The following MBD6 variants were observed in gnomAD, a reference collection of about 807,000 sequenced individuals.
MBD6 encodes the protein methyl-CpG binding domain protein 6.
A neutral mutation model predicts 66.8 loss-of-function variants in MBD6; 22 were observed. That is an observed-to-expected ratio of 0.33 (90% CI 0.24 to 0.47). The LOEUF is 0.47. MBD6 is among the 20% of genes least tolerant of loss of function. The pLI, the probability that MBD6 is intolerant of heterozygous loss-of-function variation, is 1.00. For synonymous variants in MBD6, 540 were observed against 534.6 expected (o/e 1.01, Z -0.14); for missense variants, 1,322 against 1,286.9 (o/e 1.03, Z -0.42).
intron 4 of MBD6, 53 bp downstream of exon 4, chr12:57,524,875 T>C: frequency 6.2e-7 from 1 of 1,611,598 alleles, no homozygotes. Context: ...AAAGTCTTAA[T>C]GCAAATCACT....
At chr12:57,522,622 T>G, upstream of MBD6, 1 of 151,622 alleles carries the variant, frequency 6.6e-6, no homozygotes. Context: ...GGGGGAGGGG[T>G]AGGCGCGCTC....
chr12:57,524,069 C>T lies in MBD6; in HGVS notation c.-48C>T, dbSNP rs1878654841. 8.2e-6 allele frequency: 3 copies of T among 368,074 alleles called. No individual in the cohort carries two copies. In the Admixed American group the frequency reaches 1.3e-4, roughly 16 times the overall value. The allele number at this position is 368,074 out of a possible 1,614,324, so 22.8% of individuals were successfully genotyped here. On this transcript the variant is annotated 5_prime_UTR_variant, in exon 2 of 13. Coordinates refer to ENST00000355673, the MANE Select transcript of MBD6 (RefSeq NM_052897.4). ...GTGGCCCCGGCTTTAGACTGGACCC[C>T]ACAATGTTTGCAGAGATGTTCAGGT...
rs1228576626 is a variant in MBD6, at chr12:57,526,690, A to G, written c.1545A>G (p.Gly515=). 7 of 1,531,370 alleles carry G rather than the reference A, an allele frequency of 4.6e-6. No homozygotes were observed. Among genetic ancestry groups the G allele is most frequent in the Non-Finnish European group, 6.1e-6 (7 of 1,140,196 alleles). The allele number at this position is 1,531,370 out of a possible 1,614,324, so 94.9% of individuals were successfully genotyped here. A position where few individuals can be genotyped will look rare whatever the true frequency, so the allele number is the denominator to read the frequency against. Residue 515 remains glycine (G), a synonymous_variant, in exon 7 of 13, where the codon GGA becomes GGG. Coordinates refer to ENST00000355673, the MANE Select transcript of MBD6 (RefSeq NM_052897.4). The stretch of plus-strand genomic sequence containing the variant: ...GCCCTCTGCCTCCCCTGGCTGGTGG[A>G]GAGGCTTTCCCTTTCCCCAGCCCTG... The part of the protein sequence containing the change: ...PACPLPPLAG[G]EAFPFPSPEQ...
In MBD6 at chr12:57,524,333, A is replaced by G; in HGVS notation, c.30A>G (p.Ala10=). Residue 10 remains alanine (A), a synonymous_variant, in exon 3 of 13, where the codon GCA becomes GCG. Coordinates refer to ENST00000355673, the MANE Select transcript of MBD6 (RefSeq NM_052897.4). The part of the protein sequence containing the change: MNGGNESSG[A]DRAGGPVATS... ...ATGGGGGCAATGAGAGCAGTGGAGC[A>G]GACAGAGCTGGGGGCCCTGTGGCCA... The G allele has an allele frequency of 1.9e-6, 3 of 1,584,560 alleles. No individual in the cohort carries two copies. The South Asian group carries it at 3.4e-5, about 18-fold the overall frequency.
downstream of MBD6, chr12:57,530,647 C>A (rs1298304846): frequency 6.5e-7 from 1 of 1,535,026 alleles, no homozygotes; most frequent in Admixed American, 1.7e-5. Flanking sequence ...ACAGAGTTCA[C>A]AGGGGTAGGG....
intron 10 of MBD6, 34 bp downstream of exon 10, chr12:57,528,594 G>A (rs1268546295): frequency 6.2e-7 from 1 of 1,612,284 alleles, no homozygotes; most frequent in African/African-American, 1.3e-5. Context: ...TGGGCTCAGG[G>A]GCTCTGAGGA....
At chr12:57,527,478 T>A in intron 7 of MBD6, 29 bp from the exon 8 acceptor site, 1 of 1,612,450 alleles carries the variant, frequency 6.2e-7, no homozygotes, top group Non-Finnish European at 8.5e-7. Context: ...TTTACACGCG[T>A]AAGTGTTAGA....
At chr12:57,530,897 G>T (rs1253436275), downstream of MBD6, 6 of 863,846 alleles carry the variant, frequency 6.9e-6, no homozygotes, top group South Asian at 6.0e-5. Context: ...GGCCACAGAG[G>T]GGGGATGTTT....
chr12:57,521,379 C>G (rs1878327008), upstream of MBD6: 1 of 152,388 alleles, frequency 6.6e-6, no homozygotes, highest in Non-Finnish European at 1.5e-5. Context: ...AGAAGAATCG[C>G]TTGAACCCTG....
Position 57,529,844 on chromosome 12 carries a change from A to G in MBD6, c.*610A>G, listed in dbSNP as rs1048758775. On this transcript the variant is annotated 3_prime_UTR_variant, in exon 13 of 13. Coordinates refer to ENST00000355673, the MANE Select transcript of MBD6 (RefSeq NM_052897.4). ...TCCCCCGACTTTCCTCTGGGATATAAAAAAGGGGGTAAGGGGGCAAAGAGA... is the reference window on the plus strand; with the variant it reads ...TCCCCCGACTTTCCTCTGGGATATAGAAAAGGGGGTAAGGGGGCAAAGAGA... The G allele has an allele frequency of 6.5e-6, 1 of 153,918 alleles. No individual in the cohort carries two copies. 9.5% of individuals were successfully genotyped at this position (153,918 alleles called of 1,614,324 possible).
In MBD6 at chr12:57,527,892, C is replaced by G. The variant is rs891406290; in HGVS notation, c.2281C>G (p.Leu761Val). ...LTSSPGALPS[L>V]LQPPGPLLSG... ...CAGCAGCCCTGGAGCCCTCCCCAGC[C>G]TGTTGCAGCCTCCTGGCCCTCTTCT... is the stretch of plus-strand genomic sequence containing the variant. Residue 761 changes from leucine (L) to valine (V), a missense_variant, in exon 9 of 13, where the codon CTG (leucine) becomes GTG (valine). Leu to Val is a conservative substitution (Grantham distance 32, BLOSUM62 1). Transcript: ENST00000355673. The G allele has an allele frequency of 6.2e-7, 1 of 1,613,924 alleles. No individual in the cohort carries two copies. The highest frequency in any genetic ancestry group is 1.3e-5 in the African/African-American group (1 of 75,028).
At chr12:57,530,770 C>T (rs1358299850), downstream of MBD6, 6 of 1,613,550 alleles carry the variant, frequency 3.7e-6, no homozygotes, top group Admixed American at 3.3e-5. Context: ...GCATGGTTGT[C>T]TGCACCTACA....
At chr12:57,530,825 C>A, downstream of MBD6, 4 of 1,447,462 alleles carry the variant, frequency 2.8e-6, no homozygotes, top group Non-Finnish European at 2.9e-6. Context: ...AGTTGCTTAA[C>A]TGGATGAGGA....
chr12:57,528,593 G>A (rs1879248892), intron 10 of MBD6, 33 bp downstream of exon 10: 1 of 1,612,292 alleles, frequency 6.2e-7, no homozygotes, highest in Non-Finnish European at 8.5e-7. Context: ...CTGGGCTCAG[G>A]GGCTCTGAGG....
intron 3 of MBD6, 126 bp from the exon 4 acceptor site, chr12:57,524,594 G>A: frequency 9.1e-7 from 1 of 1,096,512 alleles, no homozygotes; most frequent in Non-Finnish European, 1.4e-6. Context: ...CCCTTTTTCT[G>A]TGTCTTCCCA....
rs1807393223 is a variant in MBD6 at position 57,524,832 on chromosome 12, G to A, written c.216+10G>A. 1.2e-6 allele frequency: 2 copies of A among 1,614,114 alleles called. No homozygotes were observed. The highest frequency in any genetic ancestry group is 1.7e-6 in the Non-Finnish European group (2 of 1,179,934). ...ACTTAATGTCCCCAAGGTCAGAGTG[G>A]TGAGGGGCGCCTGAGAGTACAGAGA... is the stretch of plus-strand genomic sequence containing the variant. On this transcript the variant is annotated intron_variant, in intron 4 of 12. Transcript: ENST00000355673.
At position 57,528,429 on chromosome 12, in the gene MBD6, G is replaced by C. The variant is rs1363303372; in HGVS notation, c.2689G>C (p.Gly897Arg). 1.2e-6 allele frequency: 2 copies of C among 1,613,538 alleles called. No individual in the cohort carries two copies. The highest frequency in any genetic ancestry group is 2.2e-5 in the South Asian group (2 of 91,088). ...GRLALKWGTR[G>R]GFNGQMERSP... is the part of the protein sequence containing the mutation. ...ACTGGCCCTCAAATGGGGGACACGT[G>C]GTGGCTTCAATGGACAAATGGAAAG... Residue 897 changes from glycine to arginine, a missense_variant, in exon 10 of 13, where the codon GGT becomes CGT. Transcript: ENST00000355673.
rs1415312930 is a variant in MBD6, at chr12:57,529,570, CTT to C, written c.*339_*340del. ...TTAAGTTATTTTTGCACAAATGACTCTTTTATATTTAATTCGATTTCATTGCC... is the reference window on the plus strand; with the variant it reads ...TTAAGTTATTTTTGCACAAATGACTCTTATATTTAATTCGATTTCATTGCC... On this transcript the variant is annotated 3_prime_UTR_variant, in exon 13 of 13. Transcript: ENST00000355673. The C allele has an allele frequency of 4.9e-5, 12 of 245,000 alleles. No homozygotes were observed. The highest frequency in any genetic ancestry group is 2.0e-4 in the African/African-American group (9 of 45,478). The allele number at this position is 245,000 out of a possible 1,614,324, so 15.2% of individuals were successfully genotyped here. A position where few individuals can be genotyped will look rare whatever the true frequency, so the allele number is the denominator to read the frequency against.
Position 57,527,086 on chromosome 12 carries a change from T to C in MBD6, c.1941T>C (p.Gly647=), listed in dbSNP as rs1188302921. The C allele has an allele frequency of 1.3e-6, 2 of 1,598,230 alleles. No homozygotes were observed. The highest frequency in any genetic ancestry group is 2.7e-5 in the African/African-American group (2 of 74,380). Residue 647 remains glycine, a synonymous_variant, in exon 7 of 13, where the codon GGT becomes GGC. Transcript: ENST00000355673. ...AGGGATCTGCAGAGGGAGCCGGGGGTCCAAGTGGGGAGCCATTTTCAGGCT... is the reference window on the plus strand; with the variant it reads ...AGGGATCTGCAGAGGGAGCCGGGGGCCCAAGTGGGGAGCCATTTTCAGGCT... ...DGEGSAEGAG[G]PSGEPFSGLG... is the part of the protein sequence containing the mutation.
Sources: gnomAD v4.1 joint callset for allele counts on GRCh38, gnomAD v4.1.1 for gene constraint, MANE v1.5 for transcripts, NCBI Gene and HGNC (gene_info 2026-07-23, HGNC 2026-07-21) for gene names.